The following MYO5B variants were observed in gnomAD, a reference collection of about 807,000 sequenced individuals.
MYO5B encodes the protein unconventional myosin-Vb.
In MYO5B, 143 loss-of-function variants were observed where a neutral mutation model predicts 229.3. That is an observed-to-expected ratio of 0.62 (90% CI 0.54 to 0.72). The LOEUF is 0.72. Among genes scored for constraint, MYO5B ranks in the 30% least tolerant of loss-of-function variants. The pLI is 0.00. For missense variants in MYO5B, 2,321 were observed against 2,331.0 expected (o/e 1.00, Z 0.09); for synonymous variants, 918 against 885.2 (o/e 1.04, Z -0.66).
intron 1 of MYO5B, among the ~76,000 whole-genome samples, chr18:50,104,154 A>G (rs1158391064): frequency 1.4e-4 from 19 of 134,164 alleles, no homozygotes; most frequent in Non-Finnish European, 2.4e-4. Flanking sequence ...GCAACAGATG[A>G]GAACTTGTCT....
chr18:50,061,775 C>T (rs2030692619), intron 1 of MYO5B, among the ~76,000 whole-genome samples: 1 of 152,212 alleles, frequency 6.6e-6, no homozygotes, highest in Non-Finnish European at 1.5e-5. Flanking sequence ...GAGTGAACCT[C>T]AGGAGCCAAG....
At chr18:49,992,902 C>G (rs565565237) in intron 5 of MYO5B, among the ~76,000 whole-genome samples, 1 of 152,318 alleles carries the variant, frequency 6.6e-6, no homozygotes, top group Non-Finnish European at 1.5e-5. Context: ...CCTTCCTGTA[C>G]TTAATACACT....
At chr18:50,017,921 T>C (rs900717850) in intron 4 of MYO5B, among the ~76,000 whole-genome samples, 13 of 152,230 alleles carry the variant, frequency 8.5e-5, no homozygotes, top group African/African-American at 3.1e-4. Flanking sequence ...AATTTTCAAG[T>C]ATTCAAGTGT....
At chr18:50,036,029 T>C (rs1038279225) in intron 4 of MYO5B, among the ~76,000 whole-genome samples, 10 of 152,032 alleles carry the variant, frequency 6.6e-5, no homozygotes, top group African/African-American at 2.4e-4. Context: ...CCTACAAAAA[T>C]CACTAACTCC....
intron 1 of MYO5B, among the ~76,000 whole-genome samples, chr18:50,152,864 T>TAAAAAAAAAAAAAAAAAAA (rs67858852): frequency 8.0e-6 from 1 of 125,442 alleles, no homozygotes. Context: ...TTCTCAAAAC[T>TAAAAAAAAAAAAAAAAAAA]AAAAAAAAAA....
At chr18:50,146,519 G>A (rs919430104) in intron 1 of MYO5B, among the ~76,000 whole-genome samples, 70 of 152,226 alleles carry the variant, frequency 4.6e-4, no homozygotes, top group African/African-American at 1.6e-3. Flanking sequence ...TGGCAGGTAG[G>A]AAAGGCTGGG....
At chr18:49,923,212 G>A (rs890733166) in intron 17 of MYO5B, among the ~76,000 whole-genome samples, 4 of 152,316 alleles carry the variant, frequency 2.6e-5, no homozygotes, top group Admixed American at 6.5e-5. Context: ...ACTCCTCAGT[G>A]AAGTTGCAGC....
intron 14 of MYO5B, among the ~76,000 whole-genome samples, chr18:49,947,745 G>A (rs2025390288): frequency 6.6e-6 from 1 of 152,078 alleles, no homozygotes. Flanking sequence ...ATATTTTCCT[G>A]TCACTTGTTT....
chr18:50,116,156 T>C (rs1270705617), intron 1 of MYO5B, among the ~76,000 whole-genome samples: 3 of 152,232 alleles, frequency 2.0e-5, no homozygotes, highest in African/African-American at 7.2e-5. Context: ...GTCATCCCTA[T>C]GACCCTAATA....
intron 1 of MYO5B, among the ~76,000 whole-genome samples, chr18:50,114,802 C>T (rs9963499): frequency 1.3e-5 from 2 of 152,070 alleles, no homozygotes; most frequent in Non-Finnish European, 2.9e-5. Context: ...GTGTTACCTC[C>T]ACAGGTGGAG....
At position 50,043,502 on chromosome 18, in the gene MYO5B, T is replaced by G. The variant is rs1403530786; in HGVS notation, c.139-3188A>C. ...ATATAAATATATTTTTATATATAAA[T>G]ATAAATATATTTATAAGTATATAAA... On this transcript the variant is annotated intron_variant, in intron 2 of 39. Transcript: ENST00000285039. Among the ~76,000 whole-genome samples the G allele has an allele frequency of 4.6e-4, 42 of 90,632 alleles. 1 individual carries two copies. The highest frequency in any genetic ancestry group is 4.6e-3 in the Middle Eastern group (1 of 218). The allele number at this position is 90,632 out of a possible 152,430, so 59.5% of individuals were successfully genotyped here.
At chr18:49,895,602 G>A (rs1322893023) in intron 21 of MYO5B, among the ~76,000 whole-genome samples, 1 of 152,170 alleles carries the variant, frequency 6.6e-6, no homozygotes, top group Non-Finnish European at 1.5e-5. Context: ...CCAGCACAAA[G>A]AGTTGCAATC....
chr18:49,863,026 A>G (rs766869281), intron 29 of MYO5B, among the ~76,000 whole-genome samples: 3 of 151,948 alleles, frequency 2.0e-5, no homozygotes, highest in African/African-American at 4.8e-5. Flanking sequence ...CCTGGGCTCT[A>G]GATGCTGAGA....
intron 5 of MYO5B, among the ~76,000 whole-genome samples, chr18:49,995,683 G>A (rs1283239841): frequency 6.6e-6 from 1 of 152,182 alleles, no homozygotes; most frequent in African/African-American, 2.4e-5. Flanking sequence ...TAAGTAGTTG[G>A]TAAGGGGACG....
intron 30 of MYO5B, among the ~76,000 whole-genome samples, chr18:49,854,965 T>C (rs1464481947): frequency 1.3e-5 from 2 of 152,150 alleles, no homozygotes; most frequent in Non-Finnish European, 2.9e-5. Context: ...GAAGAAGTGA[T>C]TGAGAAAATC....
At position 50,074,499 on chromosome 18, in the gene MYO5B, CTCTACCA is replaced by C. The variant is rs575626110; in HGVS notation, c.28-19128_28-19122del. Among the ~76,000 whole-genome samples the C allele has an allele frequency of 3.2e-4, 49 of 152,312 alleles. No individual in the cohort carries two copies. In the East Asian group the frequency reaches 9.1e-3, roughly 28 times the overall value. ...GAGGCTCTTGAATCCTGCATGTCCT[CTCTACCA>C]ACCTCATCTCTTTCCATCCAGCACA... On this transcript the variant is annotated intron_variant, in intron 1 of 39. Transcript: ENST00000285039.
intron 12 of MYO5B, among the ~76,000 whole-genome samples, chr18:49,959,055 T>C (rs889004079): frequency 1.5e-4 from 23 of 152,138 alleles, no homozygotes; most frequent in African/African-American, 5.3e-4. Flanking sequence ...TTTCCAACCT[T>C]ACCTGCCCCC....
At chr18:50,055,851 A>G (rs974831926) in intron 1 of MYO5B, among the ~76,000 whole-genome samples, 17 of 152,240 alleles carry the variant, frequency 1.1e-4, no homozygotes, top group African/African-American at 4.1e-4. Context: ...GAAGTGAAAG[A>G]AAGTGGTCGG....
chr18:50,029,791 G>A (rs2026368243), intron 4 of MYO5B, among the ~76,000 whole-genome samples: 1 of 152,158 alleles, frequency 6.6e-6, no homozygotes, highest in African/African-American at 2.4e-5. Flanking sequence ...GTCTACCCCT[G>A]GACACATGGC....
Sources: gnomAD v4.1 joint callset for allele counts (sites outside exome capture counted in the v4.1 genomes callset) on GRCh38, gnomAD v4.1.1 for gene constraint, MANE v1.5 for transcripts, NCBI Gene and HGNC (gene_info 2026-07-23, HGNC 2026-07-21) for gene names.